Variants in DLG2 observed in about 807,000 individuals in gnomAD.
The protein encoded by DLG2 is disks large homolog 2.
Under a neutral mutation model 132.5 loss-of-function variants are expected in DLG2, and 45 were observed. That is an observed-to-expected ratio of 0.34 (90% confidence interval 0.27 to 0.44). The LOEUF (loss-of-function observed/expected upper bound fraction) is 0.44. Ranked by LOEUF, DLG2 falls within the 20% of genes least tolerant of loss-of-function variation. The pLI is 1.00. For missense variants in DLG2, 1,045 were observed against 1,196.9 expected (o/e 0.87, Z 1.87); for synonymous variants, 424 against 419.6 (o/e 1.01, Z -0.13).
intron 6 of DLG2, among the ~76,000 whole-genome samples, chr11:84,654,248 C>T (rs2099685506): frequency 1.3e-5 from 2 of 152,162 alleles, no homozygotes; most frequent in Non-Finnish European, 2.9e-5. Flanking sequence ...CCATCTCTCA[C>T]TGAATCTTGA....
chr11:85,222,208 C>T (rs1345454010), intron 4 of DLG2, among the ~76,000 whole-genome samples: 4 of 152,036 alleles, frequency 2.6e-5, no homozygotes, highest in Non-Finnish European at 4.4e-5. Context: ...TCAAGTGATC[C>T]GCCTGTCTTG....
At position 85,365,428 on chromosome 11, in the gene DLG2, A is replaced by G. The variant is rs559814796; in HGVS notation, c.41-80063T>C. ...ACTGCACAGTTGAATGACAAGAGGAAGAGTTATCTGGAATCTGTGTTAACC... is the reference window on the plus strand; with the variant it reads ...ACTGCACAGTTGAATGACAAGAGGAGGAGTTATCTGGAATCTGTGTTAACC... On this transcript the variant is annotated intron_variant, in intron 3 of 27. Transcript: ENST00000376104. 2.2e-4 allele frequency among the ~76,000 whole-genome samples: 33 copies of G among 152,316 alleles called. No individual in the cohort carries two copies. In the South Asian group the frequency reaches 6.6e-3, roughly 31 times the overall value.
chr11:84,059,614 G>T (rs1241057021), intron 10 of DLG2, 130 bp from the exon 11 acceptor site: 1 of 738,302 alleles, frequency 1.4e-6, no homozygotes, highest in East Asian at 3.0e-5. Context: ...ATTTAAATTT[G>T]GAAGGATGCT....
At chr11:83,949,421 T>C (rs1202161213) in intron 14 of DLG2, among the ~76,000 whole-genome samples, 2 of 152,112 alleles carry the variant, frequency 1.3e-5, no homozygotes, top group East Asian at 1.9e-4. Context: ...ATAAGAATTG[T>C]TGCTCCTATG....
intron 6 of DLG2, among the ~76,000 whole-genome samples, chr11:84,802,054 T>A (rs867779630): frequency 1.7e-4 from 25 of 151,166 alleles, no homozygotes; most frequent in African/African-American, 4.4e-4. Context: ...ATTTAGGTGA[T>A]CATTTAATGT....
intron 16 of DLG2, among the ~76,000 whole-genome samples, chr11:83,859,380 T>C (rs1462475396): frequency 6.6e-6 from 1 of 152,150 alleles, no homozygotes; most frequent in African/African-American, 2.4e-5. Context: ...GCTGAGGTGG[T>C]CTCAGATGGA....
At chr11:84,501,057 C>G (rs1041322708) in intron 7 of DLG2, among the ~76,000 whole-genome samples, 1 of 152,062 alleles carries the variant, frequency 6.6e-6, no homozygotes, top group Non-Finnish European at 1.5e-5. Context: ...ACTCAGTTTC[C>G]TTTGTTGTTT....
At chr11:85,003,314 C>A (rs908688647) in intron 6 of DLG2, among the ~76,000 whole-genome samples, 1 of 152,028 alleles carries the variant, frequency 6.6e-6, no homozygotes, top group Non-Finnish European at 1.5e-5. Context: ...CCGATGACAT[C>A]CCATGCATTT....
intron 4 of DLG2, among the ~76,000 whole-genome samples, chr11:85,212,681 A>G (rs2082327539): frequency 6.6e-6 from 1 of 152,070 alleles, no homozygotes; most frequent in Non-Finnish European, 1.5e-5. Flanking sequence ...TCTCACATCT[A>G]CTATCTCCTT....
chr11:85,344,921 T>C (rs542661073), intron 3 of DLG2, among the ~76,000 whole-genome samples: 81 of 152,202 alleles, frequency 5.3e-4, no homozygotes, highest in Non-Finnish European at 9.1e-4. Flanking sequence ...TGCTACACAC[T>C]GCTCAAGACA....
At chr11:84,061,851 C>CAA (rs58817248) in intron 10 of DLG2, among the ~76,000 whole-genome samples, 148 of 135,978 alleles carry the variant, frequency 1.1e-3, no homozygotes, top group African/African-American at 2.4e-3. Context: ...CTCTGATTGA[C>CAA]AAAAAAAAAA....
In DLG2 at chr11:85,021,627, T is replaced by C. The variant is rs916006366; in HGVS notation, c.357+90034A>G. On this transcript the variant is annotated intron_variant, in intron 6 of 27. Coordinates refer to ENST00000376104, the MANE Select transcript of DLG2 (RefSeq NM_001142699.3). ...CACGGGAGTTCATGGAGCGAGGATCTGTCTTGTTGGTAACGTTGCTAGCCA... is the reference window on the plus strand; with the variant it reads ...CACGGGAGTTCATGGAGCGAGGATCCGTCTTGTTGGTAACGTTGCTAGCCA... 7.7e-6 allele frequency: 10 copies of C among 1,292,406 alleles called. No homozygotes were observed. In the African/African-American group the frequency reaches 1.5e-4, roughly 19 times the overall value. 80.1% of individuals were successfully genotyped at this position (1,292,406 alleles called of 1,614,324 possible).
chr11:84,015,059 T>C (rs188708651), intron 11 of DLG2, among the ~76,000 whole-genome samples: 139 of 152,272 alleles, frequency 9.1e-4, no homozygotes, highest in African/African-American at 3.3e-3. Context: ...TTTACTTTTG[T>C]AGAATAGCAT....
intron 17 of DLG2, among the ~76,000 whole-genome samples, chr11:83,815,962 G>T (rs1219274877): frequency 6.6e-6 from 1 of 152,154 alleles, no homozygotes; most frequent in African/African-American, 2.4e-5. Flanking sequence ...GGTATGCCAA[G>T]TCGGACCCAC....
chr11:83,512,231 A>G (rs1053456855), intron 21 of DLG2, among the ~76,000 whole-genome samples: 48 of 152,130 alleles, frequency 3.2e-4, no homozygotes, highest in African/African-American at 1.1e-3. Flanking sequence ...CTCTCCCCCA[A>G]TCCTGTGTGA....
chr11:84,907,983 C>A (rs549339638), intron 6 of DLG2, among the ~76,000 whole-genome samples: 1 of 152,118 alleles, frequency 6.6e-6, no homozygotes, highest in African/African-American at 2.4e-5. Flanking sequence ...AAGATTCTTA[C>A]CCATCCTATC....
At chr11:84,482,756 A>G (rs1157305973) in intron 7 of DLG2, among the ~76,000 whole-genome samples, 4 of 152,168 alleles carry the variant, frequency 2.6e-5, no homozygotes, top group Non-Finnish European at 5.9e-5. Context: ...CCCAAATATT[A>G]TCTTATTCCT....
chr11:83,730,636 C>G (rs2090844796), intron 18 of DLG2, among the ~76,000 whole-genome samples: 1 of 152,182 alleles, frequency 6.6e-6, no homozygotes, highest in African/African-American at 2.4e-5. Flanking sequence ...GGAGAATCTA[C>G]ATTAACAAGC....
intron 7 of DLG2, among the ~76,000 whole-genome samples, chr11:84,520,688 G>T (rs1028185250): frequency 1.3e-5 from 2 of 152,138 alleles, no homozygotes; most frequent in South Asian, 2.1e-4. Context: ...GAGAAAAAGA[G>T]GGTGGAATGG....
Sources: gnomAD v4.1 joint callset for allele counts (sites outside exome capture counted in the v4.1 genomes callset) on GRCh38, gnomAD v4.1.1 for gene constraint, MANE v1.5 for transcripts, NCBI Gene and HGNC (gene_info 2026-07-23, HGNC 2026-07-21) for gene names.